Variants in LRRC7 observed in about 807,000 individuals in gnomAD.
The protein encoded by LRRC7 is leucine rich repeat containing 7.
Under a neutral mutation model 175.7 loss-of-function variants are expected in LRRC7, and 23 were observed. The ratio of observed to expected loss-of-function variants is 0.13; its 90% CI spans 0.09 to 0.19. The LOEUF (loss-of-function observed/expected upper bound fraction) is 0.19, where lower values mean the gene tolerates loss of function less well. LRRC7 is among the 10% of genes least tolerant of loss of function. The pLI, the probability that LRRC7 is intolerant of heterozygous loss-of-function variation, is 1.00. For synonymous variants in LRRC7, 685 were observed against 680.9 expected (o/e 1.01, Z -0.09); for missense variants, 1,354 against 1,904.7 (o/e 0.71, Z 5.38).
chr1:69,781,731 GAA>G (rs531599230), intron 3 of LRRC7, among the ~76,000 whole-genome samples: 857 of 28,940 alleles, frequency 0.03, 21 homozygotes, highest in South Asian at 0.041. Context: ...AAGAAAGAAA[GAA>G]AGAGAGAGAG....
At chr1:69,606,450 T>C (rs1341680675) in intron 1 of LRRC7, among the ~76,000 whole-genome samples, 1 of 152,114 alleles carries the variant, frequency 6.6e-6, no homozygotes, top group Non-Finnish European at 1.5e-5. Flanking sequence ...TCAAAAATCA[T>C]TCACTCTCCT....
intron 20 of LRRC7, among the ~76,000 whole-genome samples, chr1:70,037,600 A>G (rs952066649): frequency 1.5e-4 from 23 of 152,192 alleles, no homozygotes; most frequent in African/African-American, 4.6e-4. Flanking sequence ...TACACCAAGC[A>G]TTTGTAAGAA....
intron 24 of LRRC7, among the ~76,000 whole-genome samples, chr1:70,084,117 T>A (rs1663424668): frequency 6.6e-6 from 1 of 152,202 alleles, no homozygotes; most frequent in South Asian, 2.1e-4. Flanking sequence ...TCTCCTTCTA[T>A]TCTTTCTTTA....
At chr1:69,652,575 T>C (rs1462601056) in intron 1 of LRRC7, among the ~76,000 whole-genome samples, 1 of 152,188 alleles carries the variant, frequency 6.6e-6, no homozygotes, top group African/African-American at 2.4e-5. Context: ...ATGCAATCTC[T>C]ACCAAAATCC....
At chr1:69,784,973 A>G (rs1674236464) in intron 3 of LRRC7, among the ~76,000 whole-genome samples, 1 of 152,138 alleles carries the variant, frequency 6.6e-6, no homozygotes, top group Admixed American at 6.5e-5. Context: ...CTTTATGTCT[A>G]GCACATGATC....
At chr1:70,075,732 C>T (rs1320013764) in intron 23 of LRRC7, among the ~76,000 whole-genome samples, 1 of 152,138 alleles carries the variant, frequency 6.6e-6, no homozygotes, top group Non-Finnish European at 1.5e-5. Context: ...TGGTATATTT[C>T]AAGATGAAAT....
chr1:69,689,467 T>C (rs1661577185), intron 2 of LRRC7, among the ~76,000 whole-genome samples: 1 of 152,082 alleles, frequency 6.6e-6, no homozygotes, highest in Non-Finnish European at 1.5e-5. Context: ...AAAAATATCA[T>C]ACCTACAAAG....
At chr1:69,970,745 T>C (rs1652150537) in intron 8 of LRRC7, among the ~76,000 whole-genome samples, 1 of 152,064 alleles carries the variant, frequency 6.6e-6, no homozygotes, top group Non-Finnish European at 1.5e-5. Flanking sequence ...TTCCACCAGA[T>C]AGAGAAAGAG....
intron 8 of LRRC7, among the ~76,000 whole-genome samples, chr1:69,970,927 T>C (rs964468611): frequency 2.6e-5 from 4 of 151,990 alleles, no homozygotes; most frequent in South Asian, 4.1e-4. Context: ...AAAGATAATC[T>C]ACCATCATCA....
At chr1:69,788,810 A>G (rs1483956073) in intron 3 of LRRC7, among the ~76,000 whole-genome samples, 1 of 152,144 alleles carries the variant, frequency 6.6e-6, no homozygotes, top group South Asian at 2.1e-4. Context: ...ACTGATATTT[A>G]CCCCAACATA....
intron 7 of LRRC7, among the ~76,000 whole-genome samples, chr1:69,886,783 T>C (rs2101629946): frequency 6.6e-6 from 1 of 151,566 alleles, no homozygotes; most frequent in Admixed American, 6.6e-5. Context: ...GTTTAGCGCT[T>C]CCTTCAGGAG....
At chr1:69,574,019 A>G (rs1455349761) in intron 1 of LRRC7, among the ~76,000 whole-genome samples, 1 of 152,138 alleles carries the variant, frequency 6.6e-6, no homozygotes, top group Non-Finnish European at 1.5e-5. Context: ...TTGAAAGCAT[A>G]CTTAACACAA....
Position 70,039,680 on chromosome 1 carries a change from A to C in LRRC7, c.3856A>C (p.Ser1286Arg), listed in dbSNP as rs1455880175. 6 of 1,614,158 alleles carry C rather than the reference A, an allele frequency of 3.7e-6. No individual in the cohort carries two copies. The highest frequency in any genetic ancestry group is 1.1e-5 in the South Asian group (1 of 91,084). The change falls in exon 21 of 27, where the codon AGT (serine) becomes CGT (arginine). Residue 1286 changes from serine (S) to arginine (R), a missense_variant. By Grantham distance (110) the Ser-to-Arg change is moderately radical. Coordinates refer to ENST00000651989, the MANE Select transcript of LRRC7 (RefSeq NM_001370785.2). The part of the protein sequence containing the change: ...GNYGDKPSDN[S>R]DLKTRPTPVK... ...CTATGGTGACAAGCCATCAGATAAC[A>C]GTGATTTAAAGACGAGGCCTACTCC...
chr1:69,640,464 G>A (rs800923), intron 1 of LRRC7, among the ~76,000 whole-genome samples: 110,996 of 151,314 alleles, frequency 0.73, 41,050 homozygotes, highest in African/African-American at 0.82. Flanking sequence ...AATAACTCAG[G>A]AACAAAGTCA....
At chr1:69,670,868 T>C (rs566491551) in intron 1 of LRRC7, among the ~76,000 whole-genome samples, 10 of 152,170 alleles carry the variant, frequency 6.6e-5, no homozygotes, top group Non-Finnish European at 1.3e-4. Flanking sequence ...ATTCAGTTTG[T>C]GGTGAATGCT....
In LRRC7 at chr1:69,684,847, C is replaced by T. The variant is rs575391239; in HGVS notation, c.100+6369C>T. On this transcript the variant is annotated intron_variant, in intron 2 of 26. Transcript: ENST00000651989. ...GCCACCGATATCTTATTCTATAATC[C>T]CAATCGACAGGCAGTTCAATTCACC... 4.1e-4 allele frequency among the ~76,000 whole-genome samples: 63 copies of T among 152,178 alleles called. 1 individual carries two copies. The highest frequency in any genetic ancestry group is 6.8e-3 in the Middle Eastern group (2 of 292).
intron 1 of LRRC7, among the ~76,000 whole-genome samples, chr1:69,638,168 A>G (rs1316794308): frequency 6.6e-6 from 1 of 152,010 alleles, no homozygotes; most frequent in African/African-American, 2.4e-5. Flanking sequence ...GCACTGTCTC[A>G]ATGTTGCTTA....
At chr1:69,747,065 A>T (rs541216207) in intron 2 of LRRC7, among the ~76,000 whole-genome samples, 1 of 152,206 alleles carries the variant, frequency 6.6e-6, no homozygotes, top group Admixed American at 6.6e-5. Context: ...TTTTAGAAGG[A>T]CATCAATCAC....
At chr1:69,718,128 A>AGAAAAGAGAGAGAGAG (rs1553146102) in intron 2 of LRRC7, among the ~76,000 whole-genome samples, 27 of 67,812 alleles carry the variant, frequency 4.0e-4, no homozygotes, top group Non-Finnish European at 5.7e-4. Context: ...AAAGAAAGAA[A>AGAAAAGAGAGAGAGAG]AGAAAGAAAG....
Sources: allele counts gnomAD v4.1 joint callset (sites outside exome capture counted in the v4.1 genomes callset), GRCh38; gene constraint gnomAD v4.1.1; transcripts MANE v1.5; gene names NCBI Gene and HGNC (gene_info 2026-07-23, HGNC 2026-07-21).